FLT3: variants seen among roughly 807,000 people sequenced by gnomAD.
FLT3 encodes the protein fms related receptor tyrosine kinase 3, also known as receptor-type tyrosine-protein kinase FLT3.
A neutral mutation model predicts 126.6 loss-of-function variants in FLT3; 46 were observed. The ratio of observed to expected loss-of-function variants is 0.36; its 90% CI spans 0.29 to 0.46. FLT3 has a LOEUF of 0.46. Ranked by LOEUF, FLT3 falls within the 20% of genes least tolerant of loss-of-function variation. The pLI, the probability that FLT3 is intolerant of heterozygous loss-of-function variation, is 1.00. For synonymous variants in FLT3, 404 were observed against 434.4 expected, an observed-to-expected ratio of 0.93 and a Z score of 0.87; for missense variants, 1,069 against 1,190.3, an observed-to-expected ratio of 0.90 and a Z score of 1.50.
intron 23 of FLT3, among the ~76,000 whole-genome samples, chr13:28,005,870 C>T (rs772476820): frequency 2.6e-5 from 4 of 152,138 alleles, no homozygotes; most frequent in Non-Finnish European, 5.9e-5. Context: ...ATATATGTTT[C>T]ACTATCTGCA....
At position 28,057,033 on chromosome 13, in the gene FLT3, G is replaced by T. The variant is rs540142232; in HGVS notation, c.484+314C>A. Reference sequence around the variant, plus strand: ...GTATCAGAACCAGAATTAGAACAGAGGTCTTCTGATTCCAAGGTCAAAATG... The same window carrying T: ...GTATCAGAACCAGAATTAGAACAGATGTCTTCTGATTCCAAGGTCAAAATG... On this transcript the variant is annotated intron_variant, in intron 4 of 23. Transcript: ENST00000241453. Among the ~76,000 whole-genome samples, 16 of 152,268 alleles carry T rather than the reference G, an allele frequency of 1.1e-4. No individual in the cohort carries two copies. In the East Asian group the frequency reaches 2.3e-3, roughly 22 times the overall value.
intron 3 of FLT3, among the ~76,000 whole-genome samples, chr13:28,061,423 C>T (rs1876551438): frequency 6.6e-6 from 1 of 151,802 alleles, no homozygotes; most frequent in Non-Finnish European, 1.5e-5. Flanking sequence ...TGTATTGATG[C>T]CCTAACTGTA....
In FLT3 at chr13:28,049,374, C is replaced by G; in HGVS notation, c.1036+10G>C. On this transcript the variant is annotated intron_variant, in intron 8 of 23. Coordinates refer to ENST00000241453, the MANE Select transcript of FLT3 (RefSeq NM_004119.3). ...ATAGGAATAAAGATTGTGTGAGCAG[C>G]CTGCATTACCTACGATGGTAACCAA... The G allele has an allele frequency of 6.2e-7, 1 of 1,609,456 alleles. No homozygotes were observed.
rs144331914 is a variant in FLT3, at chr13:28,039,045, G to A, written c.1206-1757C>T. On this transcript the variant is annotated intron_variant, in intron 9 of 23. Coordinates refer to ENST00000241453, the MANE Select transcript of FLT3 (RefSeq NM_004119.3). Reference sequence around the variant, plus strand: ...GGTAGAGCTCGAGCTGGAGCCTCACGGATGAGTTGGTTTTGATGAGAGGAC... The same window carrying A: ...GGTAGAGCTCGAGCTGGAGCCTCACAGATGAGTTGGTTTTGATGAGAGGAC... 9.7e-4 allele frequency among the ~76,000 whole-genome samples: 148 copies of A among 152,146 alleles called. 1 individual carries two copies. The East Asian group carries it at 0.016, about 17-fold the overall frequency.
At chr13:28,066,502 A>T (rs1877050128) in intron 2 of FLT3, among the ~76,000 whole-genome samples, 1 of 152,206 alleles carries the variant, frequency 6.6e-6, no homozygotes, top group Non-Finnish European at 1.5e-5. Flanking sequence ...AGGGCTTGGA[A>T]AAAGATGAGG....
intron 19 of FLT3, 94 bp downstream of exon 19, chr13:28,023,256 T>A (rs1288652854): frequency 3.0e-6 from 4 of 1,334,548 alleles, no homozygotes; most frequent in Non-Finnish European, 4.1e-6. Flanking sequence ...AGGCAGACTT[T>A]AAGGGATACA....
At chr13:28,036,729 G>C (rs1453369941) in intron 10 of FLT3, among the ~76,000 whole-genome samples, 2 of 152,168 alleles carry the variant, frequency 1.3e-5, no homozygotes, top group East Asian at 3.9e-4. Flanking sequence ...TGTAATCCTA[G>C]CACTTTGGGA....
chr13:28,100,426 G>A lies in FLT3; in HGVS notation c.43+42C>T. ...GGGTCCACACTGCGGGGTGGGGGCT[G>A]AGGGACCGCGAGGGGCTGCGAGCGA... On this transcript the variant is annotated intron_variant, in intron 1 of 23. Transcript: ENST00000241453. The surrounding 1 kb of genome is among the most constrained non-coding windows in gnomAD (Gnocchi z 4.8). 1 of 1,208,564 alleles carries A rather than the reference G, an allele frequency of 8.3e-7. No individual in the cohort carries two copies. The highest frequency in any genetic ancestry group is 1.0e-6 in the Non-Finnish European group (1 of 970,894). The allele number at this position is 1,208,564 out of a possible 1,614,324, so 74.9% of individuals were successfully genotyped here.
rs180746049 is a variant in FLT3 at position 28,061,641 on chromosome 13, G to A, written c.368+226C>T. Among the ~76,000 whole-genome samples, 1,322 of 151,958 alleles carry A rather than the reference G, an allele frequency of 8.7e-3. 25 individuals are homozygous for A. The highest frequency in any genetic ancestry group is 0.029 in the African/African-American group (1,207 of 41,422). On this transcript the variant is annotated intron_variant, in intron 3 of 23. Transcript: ENST00000241453. Reference sequence around the variant, plus strand: ...AAAAATTAGCTGGGTGTGGTGGCACGCGCCTGTAGTCCCAGCTACTTGGGA... The same window carrying A: ...AAAAATTAGCTGGGTGTGGTGGCACACGCCTGTAGTCCCAGCTACTTGGGA...
rs76806775 is a variant in FLT3 at position 28,093,882 on chromosome 13, C to T, written c.43+6586G>A. ...ATTTAACACAGGTCCTAGACATAGA[C>T]GGCGCTCAAAAACATCTGTGGAAGG... On this transcript the variant is annotated intron_variant, in intron 1 of 23. Coordinates refer to ENST00000241453, the MANE Select transcript of FLT3 (RefSeq NM_004119.3). Among the ~76,000 whole-genome samples, 879 of 151,906 alleles carry T rather than the reference C, an allele frequency of 5.8e-3. 8 individuals are homozygous for T. Among genetic ancestry groups the T allele is most frequent in the African/African-American group, 0.019 (800 of 41,422 alleles).
intron 15 of FLT3, among the ~76,000 whole-genome samples, chr13:28,029,420 C>CAAAAG (rs1873117924): frequency 6.8e-6 from 1 of 148,022 alleles, no homozygotes; most frequent in African/African-American, 2.6e-5. Context: ...CAAAACAAAA[C>CAAAAG]AAAGACTATA....
chr13:28,024,059 C>A (rs1043376369), intron 18 of FLT3, among the ~76,000 whole-genome samples: 8 of 152,084 alleles, frequency 5.3e-5, no homozygotes, highest in African/African-American at 1.9e-4. Flanking sequence ...CTGTGCCCGG[C>A]CCATCTATCC....
chr13:28,049,186 G>A (rs1312399846), intron 8 of FLT3, among the ~76,000 whole-genome samples, 198 bp downstream of exon 8: 4 of 152,156 alleles, frequency 2.6e-5, no homozygotes, highest in African/African-American at 9.7e-5. Flanking sequence ...CAAAGACAGT[G>A]GCATTCAAGC....
At chr13:28,099,582 G>T (rs2137842220) in intron 1 of FLT3, among the ~76,000 whole-genome samples, 1 of 152,278 alleles carries the variant, frequency 6.6e-6, no homozygotes, top group East Asian at 1.9e-4. Flanking sequence ...GAGGCCGGGG[G>T]AGGTGAGTGT....
intron 1 of FLT3, among the ~76,000 whole-genome samples, chr13:28,086,261 T>C (rs762778046): frequency 6.6e-6 from 1 of 152,228 alleles, no homozygotes; most frequent in Non-Finnish European, 1.5e-5. Context: ...CTTTGTTTTG[T>C]TTTAGTAGTC....
chr13:28,044,649 A>G (rs566629474), intron 9 of FLT3, among the ~76,000 whole-genome samples: 1 of 152,278 alleles, frequency 6.6e-6, no homozygotes, highest in African/African-American at 2.4e-5. Flanking sequence ...AGGAGGGCCC[A>G]TCTTTCCTTT....
intron 2 of FLT3, among the ~76,000 whole-genome samples, chr13:28,064,740 A>C (rs1473048665): frequency 6.6e-6 from 1 of 152,184 alleles, no homozygotes; most frequent in Non-Finnish European, 1.5e-5. Flanking sequence ...CCATGGGGAA[A>C]CAGTTTTCTC....
intron 20 of FLT3, among the ~76,000 whole-genome samples, chr13:28,016,394 C>T (rs1349343311): frequency 1.3e-5 from 2 of 152,130 alleles, no homozygotes; most frequent in Non-Finnish European, 2.9e-5. Context: ...CCTCAGCCTC[C>T]CGAGTAGCTG....
intron 5 of FLT3, 96 bp from the exon 6 acceptor site, chr13:28,050,318 G>T: frequency 8.3e-7 from 1 of 1,201,698 alleles, no homozygotes; most frequent in Non-Finnish European, 1.2e-6. Context: ...CAGTTTTAAG[G>T]GTCAAATGGT....
Sources: allele counts gnomAD v4.1 joint callset (sites outside exome capture counted in the v4.1 genomes callset), GRCh38; gene constraint gnomAD v4.1.1; non-coding constraint Gnocchi (gnomAD v3.1); transcripts MANE v1.5; gene names NCBI Gene and HGNC (gene_info 2026-07-23, HGNC 2026-07-21).